KCNIP4: variants seen among roughly 807,000 people sequenced by gnomAD.
The protein encoded by KCNIP4 is potassium voltage-gated channel interacting protein 4, also known as Kv channel-interacting protein 4.
KCNIP4 carries 12 observed loss-of-function variants against 34.0 expected under a neutral mutation model. The ratio of observed to expected loss-of-function variants is 0.35; its 90% CI spans 0.23 to 0.57. The LOEUF is 0.57. Ranked by LOEUF, KCNIP4 falls within the 20% of genes least tolerant of loss-of-function variation. The pLI is 0.83. For synonymous variants in KCNIP4, 124 were observed against 102.2 expected, an observed-to-expected ratio of 1.21 and a Z score of -1.29; for missense variants, 238 against 311.7, an observed-to-expected ratio of 0.76 and a Z score of 1.78.
chr4:21,424,195 A>T (rs1725742973), intron 1 of KCNIP4, among the ~76,000 whole-genome samples: 1 of 152,076 alleles, frequency 6.6e-6, no homozygotes, highest in South Asian at 2.1e-4. Context: ...GCATAAAAGC[A>T]CATTTACCTT....
intron 1 of KCNIP4, among the ~76,000 whole-genome samples, chr4:21,348,011 C>A (rs1462746391): frequency 6.6e-6 from 1 of 152,110 alleles, no homozygotes; most frequent in Non-Finnish European, 1.5e-5. Context: ...CGCTTAAGGA[C>A]CATCTTTTGG....
At chr4:21,553,805 C>T (rs1429882447) in intron 1 of KCNIP4, among the ~76,000 whole-genome samples, 6 of 152,038 alleles carry the variant, frequency 3.9e-5, no homozygotes, top group Non-Finnish European at 7.4e-5. Context: ...GTCTGTTCTC[C>T]ACCTTTCCCT....
intron 1 of KCNIP4, among the ~76,000 whole-genome samples, chr4:21,807,679 C>T (rs930513102): frequency 1.3e-5 from 2 of 152,132 alleles, no homozygotes; most frequent in South Asian, 2.1e-4. Context: ...TGTCAGTGTT[C>T]CTTCATTGCC....
At chr4:21,553,123 TA>T (rs1738710861) in intron 1 of KCNIP4, among the ~76,000 whole-genome samples, 1 of 135,428 alleles carries the variant, frequency 7.4e-6, no homozygotes, top group Admixed American at 8.2e-5. Context: ...GCCTAGAAAA[TA>T]ACATCTGAAA....
At chr4:21,588,476 G>C (rs777580437) in intron 1 of KCNIP4, among the ~76,000 whole-genome samples, 1 of 151,954 alleles carries the variant, frequency 6.6e-6, no homozygotes, top group Non-Finnish European at 1.5e-5. Flanking sequence ...CTCCTTCTCC[G>C]ATGGTTTGTA....
At chr4:21,017,776 T>C (rs532004399) in intron 1 of KCNIP4, among the ~76,000 whole-genome samples, 2 of 152,296 alleles carry the variant, frequency 1.3e-5, no homozygotes, top group East Asian at 3.9e-4. Context: ...CACTGTCTTC[T>C]ATGATGGTTG....
chr4:20,861,357 C>A (rs1229312119), intron 2 of KCNIP4, among the ~76,000 whole-genome samples: 1 of 152,120 alleles, frequency 6.6e-6, no homozygotes, highest in African/African-American at 2.4e-5. Flanking sequence ...TTCAGGTGCA[C>A]ATGGAGAGTA....
At chr4:20,785,555 G>A (rs997715953) in intron 3 of KCNIP4, among the ~76,000 whole-genome samples, 10 of 152,002 alleles carry the variant, frequency 6.6e-5, no homozygotes, top group African/African-American at 2.4e-4. Context: ...TTTATAACAC[G>A]TACATTGCTC....
At chr4:20,868,055 G>T (rs1047092475) in intron 2 of KCNIP4, among the ~76,000 whole-genome samples, 7 of 151,784 alleles carry the variant, frequency 4.6e-5, no homozygotes, top group African/African-American at 1.7e-4. Context: ...AAAGCCAACA[G>T]GTAACCTACA....
chr4:21,671,385 A>G (rs763915018), intron 1 of KCNIP4, among the ~76,000 whole-genome samples: 1 of 152,218 alleles, frequency 6.6e-6, no homozygotes, highest in African/African-American at 2.4e-5. Context: ...TGTTTTTGGA[A>G]GACTTCTCCT....
chr4:21,425,063 G>A (rs1031956170), intron 1 of KCNIP4, among the ~76,000 whole-genome samples: 3 of 152,140 alleles, frequency 2.0e-5, no homozygotes, highest in African/African-American at 7.2e-5. Context: ...AAGGGACATT[G>A]GAGAGGAGAG....
At chr4:21,352,901 G>A (rs546886225) in intron 1 of KCNIP4, among the ~76,000 whole-genome samples, 2 of 152,254 alleles carry the variant, frequency 1.3e-5, no homozygotes, top group African/African-American at 4.8e-5. Flanking sequence ...ACAGGTGGGT[G>A]CCCCTCTGGG....
intron 1 of KCNIP4, among the ~76,000 whole-genome samples, chr4:20,892,701 C>G (rs1390105452): frequency 6.6e-6 from 1 of 152,192 alleles, no homozygotes; most frequent in Admixed American, 6.5e-5. Flanking sequence ...TGCATGTTAT[C>G]TGAGGCAAAT....
At chr4:21,665,123 A>C (rs1450671036) in intron 1 of KCNIP4, among the ~76,000 whole-genome samples, 2 of 152,136 alleles carry the variant, frequency 1.3e-5, no homozygotes, top group Non-Finnish European at 2.9e-5. Context: ...TCAATAAATC[A>C]CTTCTGTTAT....
intron 1 of KCNIP4, chr4:21,848,428 T>C (rs2109331759): frequency 6.6e-6 from 1 of 152,266 alleles, no homozygotes; most frequent in East Asian, 1.9e-4. Flanking sequence ...GAGTGTCAGA[T>C]GACTAATTCA....
At chr4:21,639,212 C>T (rs898254367) in intron 1 of KCNIP4, among the ~76,000 whole-genome samples, 2 of 151,976 alleles carry the variant, frequency 1.3e-5, no homozygotes, top group Non-Finnish European at 2.9e-5. Context: ...TCTTATGCTG[C>T]CAATCAAATG....
chr4:21,652,911 A>C (rs892000608), intron 1 of KCNIP4, among the ~76,000 whole-genome samples: 1 of 152,176 alleles, frequency 6.6e-6, no homozygotes, highest in African/African-American at 2.4e-5. Context: ...AATGTGGAGC[A>C]ATCATCCATT....
intron 1 of KCNIP4, among the ~76,000 whole-genome samples, chr4:20,997,035 A>G (rs1424683339): frequency 6.6e-6 from 1 of 150,774 alleles, no homozygotes; most frequent in Non-Finnish European, 1.5e-5. Context: ...TAAGTAGTGC[A>G]GTGGGTTCAA....
At chr4:21,406,979 T>G (rs1724049554) in intron 1 of KCNIP4, among the ~76,000 whole-genome samples, 1 of 152,156 alleles carries the variant, frequency 6.6e-6, no homozygotes, top group South Asian at 2.1e-4. Context: ...TGATAACACT[T>G]GGAAATGTAT....
Sources: allele counts gnomAD v4.1 joint callset (sites outside exome capture counted in the v4.1 genomes callset), GRCh38; gene constraint gnomAD v4.1.1; transcripts MANE v1.5; gene names NCBI Gene and HGNC (gene_info 2026-07-23, HGNC 2026-07-21).